The following HHIPL1 variants were observed in gnomAD, a reference collection of about 807,000 sequenced individuals.
The protein encoded by HHIPL1 is HHIP like 1, also known as HHIP-like protein 1.
Under a neutral mutation model 61.8 loss-of-function variants are expected in HHIPL1, and 43 were observed. The ratio of observed to expected loss-of-function variants is 0.70; its 90% CI spans 0.55 to 0.90. The LOEUF (loss-of-function observed/expected upper bound fraction) is 0.90, where lower values mean the gene tolerates loss of function less well. Among genes scored for constraint, HHIPL1 ranks in the 40% least tolerant of loss-of-function variants. The pLI, the probability that HHIPL1 is intolerant of heterozygous loss-of-function variation, is 0.00. For missense variants in HHIPL1, 1,056 were observed against 1,157.7 expected (o/e 0.91, Z 1.28); for synonymous variants, 482 against 515.8 (o/e 0.93, Z 0.89).
intron 1 of HHIPL1, among the ~76,000 whole-genome samples, chr14:99,650,973 G>GTGCA (rs60203608): frequency 0.18 from 28,078 of 152,164 alleles, 3,025 homozygotes; most frequent in East Asian, 0.27. Context: ...ACCTGGCTGG[G>GTGCA]TGCAGTTGCT....
chr14:99,673,906 G>T (rs866624475), intron 8 of HHIPL1, among the ~76,000 whole-genome samples: 5 of 135,724 alleles, frequency 3.7e-5, no homozygotes, highest in Non-Finnish European at 6.4e-5. Flanking sequence ...GTGCACTGAG[G>T]GGGGCTGGCA....
Position 99,668,885 on chromosome 14 carries a change from GCTCATTGACGT to G in HHIPL1, c.1730+587_1730+597del. 6.2e-7 allele frequency: 1 copy of G among 1,613,784 alleles called. No homozygotes were observed. Among genetic ancestry groups the G allele is most frequent in the Non-Finnish European group, 8.5e-7 (1 of 1,179,708 alleles). ...TATGTCCCAGCTCCTTCCGTGTGCAGCTCATTGACGTCTCAGCCGTTCATTTTACAGTGGTG... is the reference window on the plus strand; with the variant it reads ...TATGTCCCAGCTCCTTCCGTGTGCAGCTCAGCCGTTCATTTTACAGTGGTG... On this transcript the variant is annotated intron_variant, in intron 7 of 8. Transcript: ENST00000330710. The surrounding 1 kb of genome is among the most constrained non-coding windows in gnomAD (Gnocchi z 4.7).
At chr14:99,629,116 T>G in the HHIPL1 span, among the ~76,000 whole-genome samples, 6,284 of 152,152 alleles carry the variant, frequency 0.041, 397 homozygotes, top group African/African-American at 0.14. Flanking sequence ...GGGACCCAGA[T>G]CACGTGCCAG....
the HHIPL1 span, among the ~76,000 whole-genome samples, chr14:99,632,872 G>C: frequency 6.7e-6 from 1 of 148,402 alleles, no homozygotes; most frequent in Non-Finnish European, 1.5e-5. Context: ...TGGATAAATT[G>C]GTGTGTGTGT....
upstream of HHIPL1, among the ~76,000 whole-genome samples, chr14:99,642,957 G>A (rs1468290159): frequency 6.6e-6 from 1 of 152,096 alleles, no homozygotes. Context: ...TAACATATTA[G>A]TCATAGTTAT....
chr14:99,669,879 C>T lies in HHIPL1; in HGVS notation c.1730+1576C>T, dbSNP rs572516714. Among the ~76,000 whole-genome samples, 4 of 152,334 alleles carry T rather than the reference C, an allele frequency of 2.6e-5. No homozygotes were observed. The South Asian group carries it at 6.2e-4, about 24-fold the overall frequency. ...GGTCGAGGCTGCAGTGAGCTATGAT[C>T]GCACCACTGCCCTCCAGCCTGGATA... On this transcript the variant is annotated intron_variant, in intron 7 of 8. Transcript: ENST00000330710.
chr14:99,662,091 T>G (rs182041785), intron 5 of HHIPL1, among the ~76,000 whole-genome samples: 2 of 152,248 alleles, frequency 1.3e-5, no homozygotes, highest in Admixed American at 6.5e-5. Context: ...GAAATTCAAC[T>G]AATTTTGCCA....
In HHIPL1 at chr14:99,677,485, C is replaced by T. The variant is rs1432307252; in HGVS notation, c.*1859C>T. The T allele has an allele frequency of 6.6e-6, 1 of 152,282 alleles. No homozygotes were observed. Among genetic ancestry groups the T allele is most frequent in the Non-Finnish European group, 1.5e-5 (1 of 68,114 alleles). 9.4% of individuals were successfully genotyped at this position (152,282 alleles called of 1,614,324 possible). Reference sequence around the variant, plus strand: ...CAGGGGAGGTTGAGTGGGCATCTTCCTGGGATGCAGGGGAGTTCTGAGCTC... The same window carrying T: ...CAGGGGAGGTTGAGTGGGCATCTTCTTGGGATGCAGGGGAGTTCTGAGCTC... On this transcript the variant is annotated 3_prime_UTR_variant, in exon 9 of 9. Transcript: ENST00000330710. The surrounding 1 kb of genome is among the most constrained non-coding windows in gnomAD (Gnocchi z 4.3).
At chr14:99,643,511 A>G (rs1291845173), upstream of HHIPL1, among the ~76,000 whole-genome samples, 1 of 152,162 alleles carries the variant, frequency 6.6e-6, no homozygotes, top group Non-Finnish European at 1.5e-5. Context: ...TAGGAGCCCA[A>G]ACCTCATGGC....
At chr14:99,605,387 C>CAG in the HHIPL1 span, among the ~76,000 whole-genome samples, 2 of 115,836 alleles carry the variant, frequency 1.7e-5, no homozygotes, top group Non-Finnish European at 3.6e-5. Context: ...CGGGGCGGGG[C>CAG]GGGGGGGGGT....
the HHIPL1 span, among the ~76,000 whole-genome samples, chr14:99,630,860 GC>G: frequency 6.6e-6 from 1 of 152,162 alleles, no homozygotes; most frequent in African/African-American, 2.4e-5. Context: ...TATGGGGGCT[GC>G]TGGCAATCCT....
At chr14:99,657,827 A>ATTC (rs1370305424) in intron 3 of HHIPL1, among the ~76,000 whole-genome samples, 5 of 151,980 alleles carry the variant, frequency 3.3e-5, no homozygotes, top group African/African-American at 7.3e-5. Flanking sequence ...GCACACACAC[A>ATTC]TTCACATATG....
rs1256498448 is a variant in HHIPL1 at position 99,668,355 on chromosome 14, A to G, written c.1730+52A>G. ...GCTCCTGCTGTCTGTCAGGCCTCTT[A>G]GCTCCACGGGCTTGTCCCCTCCGCC... On this transcript the variant is annotated intron_variant, in intron 7 of 8. Transcript: ENST00000330710. This position sits in a 1 kb window ranked among gnomAD's most constrained non-coding sequence, Gnocchi z 4.7. 1 of 1,096,814 alleles carries G rather than the reference A, an allele frequency of 9.1e-7. No individual in the cohort carries two copies. The highest frequency in any genetic ancestry group is 1.4e-6 in the Non-Finnish European group (1 of 709,162). 67.9% of individuals were successfully genotyped at this position (1,096,814 alleles called of 1,614,324 possible). A position where few individuals can be genotyped will look rare whatever the true frequency, so the allele number is the denominator to read the frequency against.
chr14:99,642,981 T>C (rs536329721), upstream of HHIPL1, among the ~76,000 whole-genome samples: 2 of 152,306 alleles, frequency 1.3e-5, no homozygotes, highest in Admixed American at 1.3e-4. Context: ...AAATTCCATG[T>C]CTGGTAATTT....
chr14:99,627,888 GGGA>G, the HHIPL1 span, among the ~76,000 whole-genome samples: 1 of 152,068 alleles, frequency 6.6e-6, no homozygotes, highest in Non-Finnish European at 1.5e-5. The surrounding 1 kb of genome is among the most constrained non-coding windows in gnomAD (Gnocchi z 4.4). Context: ...AGGATGGGCT[GGGA>G]GGAGAAGAAG....
the HHIPL1 span, among the ~76,000 whole-genome samples, chr14:99,616,811 T>TG: frequency 6.6e-6 from 1 of 152,158 alleles, no homozygotes; most frequent in Non-Finnish European, 1.5e-5. Flanking sequence ...CTTTAAAATC[T>TG]GGGGGAAAAG....
intron 5 of HHIPL1, among the ~76,000 whole-genome samples, chr14:99,661,501 T>G (rs1400875776): frequency 6.6e-6 from 1 of 151,352 alleles, no homozygotes; most frequent in Non-Finnish European, 1.5e-5. Context: ...AGGGTCTCAT[T>G]TTGTCACCCA....
At position 99,678,404 on chromosome 14, in the gene HHIPL1, C is replaced by T. The variant is rs774010311; in HGVS notation, c.*2778C>T. The T allele has an allele frequency of 4.6e-5, 7 of 152,226 alleles. No homozygotes were observed. Among genetic ancestry groups the T allele is most frequent in the Non-Finnish European group, 8.8e-5 (6 of 68,036 alleles). 9.4% of individuals were successfully genotyped at this position (152,226 alleles called of 1,614,324 possible). ...CATAAATTTAATTCTTTCAGCAAGG[C>T]AATTTTACTTTCTGCAGAAAGGGTG... is the stretch of plus-strand genomic sequence containing the variant. On this transcript the variant is annotated 3_prime_UTR_variant, in exon 9 of 9. Transcript: ENST00000330710.
At chr14:99,674,998 T>C in intron 8 of HHIPL1, 93 bp from the exon 9 acceptor site, 3 of 651,274 alleles carry the variant, frequency 4.6e-6, no homozygotes, top group Non-Finnish European at 4.0e-6. Flanking sequence ...GAGTCTGCGC[T>C]CTCCGCACAG....
Sources: gnomAD v4.1 joint callset for allele counts (sites outside exome capture counted in the v4.1 genomes callset) on GRCh38, gnomAD v4.1.1 for gene constraint, Gnocchi (gnomAD v3.1) non-coding constraint, MANE v1.5 for transcripts, NCBI Gene and HGNC (gene_info 2026-07-23, HGNC 2026-07-21) for gene names.